Variants in PACSIN2 observed in about 807,000 individuals in gnomAD.
PACSIN2 encodes the protein protein kinase C and casein kinase substrate in neurons protein 2.
Under a neutral mutation model 63.8 loss-of-function variants are expected in PACSIN2, and 25 were observed. That is an observed-to-expected ratio of 0.39 (90% CI 0.29 to 0.55). The LOEUF (loss-of-function observed/expected upper bound fraction) is 0.55, where lower values mean the gene tolerates loss of function less well. Among genes scored for constraint, PACSIN2 ranks in the 20% least tolerant of loss-of-function variants. PACSIN2 has a pLI of 0.62. For synonymous variants in PACSIN2, 255 were observed against 256.2 expected, an observed-to-expected ratio of 1.00 and a Z score of 0.05; for missense variants, 518 against 646.9, an observed-to-expected ratio of 0.80 and a Z score of 2.16.
rs79064533 is a variant in PACSIN2, at chr22:42,909,893, T to A, written c.60+2128A>T. Among the ~76,000 whole-genome samples the A allele has an allele frequency of 2.5e-3, 383 of 152,272 alleles. 1 individual carries two copies. Among genetic ancestry groups the A allele is most frequent in the African/African-American group, 8.9e-3 (370 of 41,546 alleles). On this transcript the variant is annotated intron_variant, in intron 2 of 10. Transcript: ENST00000263246. ...GCCAAGGGCACCGCAGGAACAGACA[T>A]TGACTGTGCACACCGACTCCCTCAG...
At chr22:42,937,979 T>C (rs1428622149) in intron 1 of PACSIN2, among the ~76,000 whole-genome samples, 2 of 152,206 alleles carry the variant, frequency 1.3e-5, no homozygotes, top group Non-Finnish European at 2.9e-5. Context: ...CTGGTTGATT[T>C]TTCCCAGCTA....
chr22:42,889,963 A>G (rs1929782576), intron 4 of PACSIN2, among the ~76,000 whole-genome samples: 1 of 152,066 alleles, frequency 6.6e-6, no homozygotes, highest in Non-Finnish European at 1.5e-5. Flanking sequence ...AAAGTAAAGG[A>G]ATAAAGAAAG....
chr22:42,950,196 A>C (rs1178578736), intron 1 of PACSIN2, among the ~76,000 whole-genome samples: 6 of 152,088 alleles, frequency 3.9e-5, no homozygotes, highest in Non-Finnish European at 8.8e-5. Context: ...ATATTCTATT[A>C]GGTATTATAA....
intron 2 of PACSIN2, among the ~76,000 whole-genome samples, chr22:42,898,138 G>C (rs926160250): frequency 1.3e-5 from 2 of 152,136 alleles, no homozygotes; most frequent in African/African-American, 4.8e-5. Flanking sequence ...CCAAAAAAGG[G>C]AGCTGCCCAT....
chr22:42,961,146 C>CA (rs1370843041), intron 1 of PACSIN2, among the ~76,000 whole-genome samples: 4 of 152,178 alleles, frequency 2.6e-5, no homozygotes, highest in Non-Finnish European at 5.9e-5. Context: ...GAACATACTG[C>CA]AAGGGGAAAC....
intron 2 of PACSIN2, among the ~76,000 whole-genome samples, chr22:42,902,717 G>A (rs974087174): frequency 3.9e-5 from 6 of 152,196 alleles, no homozygotes; most frequent in African/African-American, 1.4e-4. Flanking sequence ...GGGTTCAAGC[G>A]ATTCTCCTGC....
At chr22:42,924,535 G>T (rs1460317574) in intron 1 of PACSIN2, among the ~76,000 whole-genome samples, 2 of 152,018 alleles carry the variant, frequency 1.3e-5, no homozygotes, top group East Asian at 3.9e-4. Flanking sequence ...TAAAAGCCCA[G>T]GTCCTCCCAG....
intron 1 of PACSIN2, among the ~76,000 whole-genome samples, chr22:42,915,508 G>A (rs769216801): frequency 1.4e-4 from 21 of 152,070 alleles, no homozygotes; most frequent in Admixed American, 2.6e-4. Flanking sequence ...AGGGACAAGC[G>A]TACCCCACGG....
intron 2 of PACSIN2, among the ~76,000 whole-genome samples, chr22:42,898,400 T>C (rs1166295198): frequency 6.6e-6 from 1 of 151,826 alleles, no homozygotes; most frequent in East Asian, 1.9e-4. Context: ...GCCTCACGAG[T>C]AGCTGGGATT....
intron 2 of PACSIN2, among the ~76,000 whole-genome samples, chr22:42,898,938 G>A (rs1005051270): frequency 5.3e-5 from 8 of 152,124 alleles, no homozygotes; most frequent in African/African-American, 1.9e-4. Context: ...CAGGCGTGCT[G>A]GGGGGACTAT....
chr22:42,956,623 A>T (rs1175306181), intron 1 of PACSIN2, among the ~76,000 whole-genome samples: 2 of 152,146 alleles, frequency 1.3e-5, no homozygotes, highest in Admixed American at 1.3e-4. Context: ...GTTTCTTCAT[A>T]GTCTTAGAGA....
intron 1 of PACSIN2, among the ~76,000 whole-genome samples, chr22:42,934,590 C>T (rs988376621): frequency 6.6e-6 from 1 of 152,256 alleles, no homozygotes. Context: ...CCTGAGACTG[C>T]CGCCTTGCTG....
Position 42,871,449 on chromosome 22 carries a change from C to T in PACSIN2, c.1369G>A (p.Glu457Lys). 1 of 1,614,058 alleles carries T rather than the reference C, an allele frequency of 6.2e-7. No homozygotes were observed. Among genetic ancestry groups the T allele is most frequent in the Non-Finnish European group, 8.5e-7 (1 of 1,179,876 alleles). The change falls in exon 11 of 11, where the codon GAG becomes AAG. Residue 457 changes from glutamate to lysine, a missense_variant. Coordinates refer to ENST00000263246, the MANE Select transcript of PACSIN2 (RefSeq NM_001184970.3). This position sits in a 1 kb window ranked among gnomAD's most constrained non-coding sequence, Gnocchi z 5.4. ...CACCAGCCCTGCTCATCCTCGTCCT[C>T]CATCTTGGTCAGCTCATCCCCTGCA... ...FKAGDELTKMEDEDEQGWCKG... is the reference protein window; with the variant it reads ...FKAGDELTKMKDEDEQGWCKG...
At chr22:42,873,010 C>A (rs1275446870) in intron 10 of PACSIN2, among the ~76,000 whole-genome samples, 1 of 152,210 alleles carries the variant, frequency 6.6e-6, no homozygotes, top group African/African-American at 2.4e-5. Context: ...GGCCTGTAAC[C>A]CCACACTACC....
chr22:42,950,966 G>C (rs1933664074), intron 1 of PACSIN2, among the ~76,000 whole-genome samples: 1 of 152,148 alleles, frequency 6.6e-6, no homozygotes, highest in Non-Finnish European at 1.5e-5. Context: ...GAAGCCAAGT[G>C]GGGGACAGAG....
At chr22:42,906,437 G>A (rs891140376) in intron 2 of PACSIN2, among the ~76,000 whole-genome samples, 2 of 152,174 alleles carry the variant, frequency 1.3e-5, no homozygotes, top group East Asian at 1.9e-4. Context: ...TTAAAAACAC[G>A]TAATTCTGAA....
chr22:42,990,648 CAAG>C (rs1371272637), intron 1 of PACSIN2, among the ~76,000 whole-genome samples: 1 of 152,122 alleles, frequency 6.6e-6, no homozygotes, highest in Non-Finnish European at 1.5e-5. Flanking sequence ...GGGAGAAATG[CAAG>C]AAGTTCAGGA....
intron 1 of PACSIN2, among the ~76,000 whole-genome samples, chr22:42,941,267 T>C (rs935806938): frequency 6.6e-6 from 1 of 152,274 alleles, no homozygotes; most frequent in Non-Finnish European, 1.5e-5. Context: ...TGTATGAATA[T>C]ACCACAATTT....
intron 1 of PACSIN2, among the ~76,000 whole-genome samples, chr22:42,921,676 T>C (rs984862646): frequency 2.0e-5 from 3 of 151,538 alleles, no homozygotes; most frequent in African/African-American, 7.3e-5. Flanking sequence ...CAGGCTGCTA[T>C]GAAAAGGGAG....
Sources: gnomAD v4.1 joint callset for allele counts (sites outside exome capture counted in the v4.1 genomes callset) on GRCh38, gnomAD v4.1.1 for gene constraint, Gnocchi (gnomAD v3.1) non-coding constraint, MANE v1.5 for transcripts, NCBI Gene and HGNC (gene_info 2026-07-23, HGNC 2026-07-21) for gene names.